LAPTM4B: variants seen among roughly 807,000 people sequenced by gnomAD.
The protein encoded by LAPTM4B is lysosomal protein transmembrane 4 beta, also known as lysosomal-associated transmembrane protein 4B.
Under a neutral mutation model 28.5 loss-of-function variants are expected in LAPTM4B, and 26 were observed. That is an observed-to-expected ratio of 0.91 (90% CI 0.67 to 1.27). The LOEUF (loss-of-function observed/expected upper bound fraction) is 1.27. LAPTM4B is among the 50% of genes most tolerant of loss of function. The probability of loss-of-function intolerance (pLI) is 0.00; values close to 1 mark genes in which losing one functional copy is unlikely to be tolerated. For synonymous variants in LAPTM4B, 109 were observed against 106.4 expected (o/e 1.02, Z -0.15); for missense variants, 288 against 285.8 (o/e 1.01, Z -0.06).
intron 1 of LAPTM4B, among the ~76,000 whole-genome samples, chr8:97,801,178 A>G (rs1053131301): frequency 9.0e-6 from 1 of 111,504 alleles, no homozygotes; most frequent in Non-Finnish European, 1.8e-5. Flanking sequence ...GGTTCTTCAT[A>G]CTTTTTTTTT....
At chr8:97,842,072 C>A (rs1198154511) in intron 6 of LAPTM4B, among the ~76,000 whole-genome samples, 1 of 152,100 alleles carries the variant, frequency 6.6e-6, no homozygotes, top group African/African-American at 2.4e-5. Context: ...GTTTTGGGGG[C>A]CATATAGTCT....
intron 1 of LAPTM4B, among the ~76,000 whole-genome samples, 190 bp from the exon 2 acceptor site, chr8:97,805,163 C>A (rs1464255061): frequency 6.6e-6 from 1 of 152,146 alleles, no homozygotes; most frequent in African/African-American, 2.4e-5. Context: ...ACTGAATGGG[C>A]TGGCAGCATT....
In LAPTM4B at chr8:97,851,466, T is replaced by C; in HGVS notation, c.673T>C (p.Ser225Pro). The C allele has an allele frequency of 1.2e-6, 2 of 1,613,724 alleles. No homozygotes were observed. The highest frequency in any genetic ancestry group is 1.7e-6 in the Non-Finnish European group (2 of 1,179,606). The change falls in exon 7 of 7, where the codon TCT (serine) becomes CCT (proline). Residue 225 changes from serine (S) to proline (P), a missense_variant. Physicochemically the swap from Ser to Pro is moderately conservative, Grantham distance 74. Transcript: ENST00000521545. ...AAKEPPPPYVSA is the reference protein window; with the variant it reads ...AAKEPPPPYVPA ...CAAGGAGCCACCGCCACCTTACGTG[T>C]CTGCCTAAGCCTTCAAGTGGGCGGA...
chr8:97,781,568 G>A (rs1207405168), intron 1 of LAPTM4B, among the ~76,000 whole-genome samples: 3 of 151,958 alleles, frequency 2.0e-5, no homozygotes, highest in Non-Finnish European at 4.4e-5. Context: ...GTGAGCCACC[G>A]TGCCCGGCAA....
chr8:97,812,137 A>G (rs1586331472), intron 2 of LAPTM4B, among the ~76,000 whole-genome samples: 4 of 151,120 alleles, frequency 2.6e-5, no homozygotes. Flanking sequence ...CTGCCCTCCC[A>G]TCCTTTCAAA....
At chr8:97,789,891 A>G (rs1368028355) in intron 1 of LAPTM4B, among the ~76,000 whole-genome samples, 1 of 152,158 alleles carries the variant, frequency 6.6e-6, no homozygotes, top group Non-Finnish European at 1.5e-5. Context: ...AGCCTCTGGT[A>G]ACCATCCTTC....
intron 6 of LAPTM4B, among the ~76,000 whole-genome samples, chr8:97,829,871 A>G (rs113134015): frequency 1.3e-5 from 2 of 151,808 alleles, no homozygotes; most frequent in African/African-American, 4.8e-5. Flanking sequence ...TAATTTTTGT[A>G]TTTTTGGTAG....
intron 3 of LAPTM4B, among the ~76,000 whole-genome samples, chr8:97,815,745 T>C (rs1816901706): frequency 6.6e-6 from 1 of 152,076 alleles, no homozygotes; most frequent in Non-Finnish European, 1.5e-5. Flanking sequence ...TTTTGTATTT[T>C]TTAGTAGAGA....
At chr8:97,834,991 GAAA>G (rs1210580646) in intron 6 of LAPTM4B, among the ~76,000 whole-genome samples, 1 of 152,194 alleles carries the variant, frequency 6.6e-6, no homozygotes, top group East Asian at 1.9e-4. Flanking sequence ...TATCAATTAA[GAAA>G]ACCAAAGTTA....
chr8:97,801,344 G>A (rs954486918), intron 1 of LAPTM4B, among the ~76,000 whole-genome samples: 2 of 152,020 alleles, frequency 1.3e-5, no homozygotes, highest in Non-Finnish European at 2.9e-5. Context: ...AACATGTCCA[G>A]CTAATTTTTC....
chr8:97,814,549 A>G (rs76710651), intron 2 of LAPTM4B, among the ~76,000 whole-genome samples: 12,538 of 151,648 alleles, frequency 0.083, 1,109 homozygotes, highest in East Asian at 0.4. Context: ...AAAAAGAAAA[A>G]ATAAATAAAA....
In LAPTM4B at chr8:97,797,375, C is replaced by T. The variant is rs571780654; in HGVS notation, c.100-7978C>T. Among the ~76,000 whole-genome samples the T allele has an allele frequency of 2.8e-3, 426 of 152,138 alleles. 2 individuals are homozygous for T. The highest frequency in any genetic ancestry group is 9.8e-3 in the African/African-American group (408 of 41,504). On this transcript the variant is annotated intron_variant, in intron 1 of 6. Transcript: ENST00000521545. ...CTCGAACTCCCGACCTCAGGTGCTC[C>T]TCCTGCCTCATCCTCCCAAAGTGCT...
In LAPTM4B at chr8:97,852,959, A is replaced by G; in HGVS notation, c.*1485A>G. On this transcript the variant is annotated 3_prime_UTR_variant, in exon 7 of 7. Coordinates refer to ENST00000521545, the MANE Select transcript of LAPTM4B (RefSeq NM_018407.6). Reference sequence around the variant, plus strand: ...GGTGTGGGGGAAAAAAGCCAAACAGAAGTAGAAAAAGGTGTAGCCGGCATA... The same window carrying G: ...GGTGTGGGGGAAAAAAGCCAAACAGGAGTAGAAAAAGGTGTAGCCGGCATA... The G allele has an allele frequency of 1.9e-6, 1 of 524,090 alleles. No individual in the cohort carries two copies. Among genetic ancestry groups the G allele is most frequent in the Non-Finnish European group, 3.2e-6 (1 of 308,524 alleles). The allele number at this position is 524,090 out of a possible 1,614,324, so 32.5% of individuals were successfully genotyped here. A position where few individuals can be genotyped will look rare whatever the true frequency, so the allele number is the denominator to read the frequency against.
At chr8:97,776,325 G>A (rs1432057624) in intron 1 of LAPTM4B, among the ~76,000 whole-genome samples, 1 of 152,238 alleles carries the variant, frequency 6.6e-6, no homozygotes, top group Non-Finnish European at 1.5e-5. Context: ...GAGGCCAGGG[G>A]CGCGGGGCGG....
intron 6 of LAPTM4B, among the ~76,000 whole-genome samples, chr8:97,851,003 C>T (rs898708945): frequency 1.3e-5 from 2 of 149,428 alleles, no homozygotes; most frequent in African/African-American, 5.1e-5. Flanking sequence ...ATACCAAAAG[C>T]TTGGCGTTTT....
chr8:97,816,233 T>TG, intron 4 of LAPTM4B, 53 bp downstream of exon 4: 1 of 1,560,280 alleles, frequency 6.4e-7, no homozygotes, highest in Middle Eastern at 1.7e-4. Flanking sequence ...TTAGGGAAGC[T>TG]GGTTAAGTAA....
At chr8:97,810,481 A>ATACG (rs1227711926) in intron 2 of LAPTM4B, among the ~76,000 whole-genome samples, 1 of 152,242 alleles carries the variant, frequency 6.6e-6, no homozygotes, top group Non-Finnish European at 1.5e-5. Flanking sequence ...GGTGAAGGGT[A>ATACG]TACGTGAATT....
At chr8:97,829,580 AG>A (rs1157393838) in intron 6 of LAPTM4B, among the ~76,000 whole-genome samples, 4 of 152,070 alleles carry the variant, frequency 2.6e-5, no homozygotes, top group African/African-American at 9.7e-5. Context: ...GTCCAAGAAC[AG>A]GGGGTGTGGA....
intron 6 of LAPTM4B, among the ~76,000 whole-genome samples, chr8:97,850,474 G>GTGTGTGTGTA (rs1554594401): frequency 5.5e-5 from 8 of 146,370 alleles, no homozygotes; most frequent in East Asian, 2.0e-4. Flanking sequence ...GGGTGTGTGT[G>GTGTGTGTGTA]TGTGTGTGTG....
Sources: gnomAD v4.1 joint callset for allele counts (sites outside exome capture counted in the v4.1 genomes callset) on GRCh38, gnomAD v4.1.1 for gene constraint, MANE v1.5 for transcripts, NCBI Gene and HGNC (gene_info 2026-07-23, HGNC 2026-07-21) for gene names.